The following PDE2A variants were observed in gnomAD, a reference collection of about 807,000 sequenced individuals.
PDE2A encodes the protein cGMP-dependent 3',5'-cyclic phosphodiesterase.
PDE2A carries 53 observed loss-of-function variants against 133.6 expected under a neutral mutation model. The observed-to-expected ratio is 0.40, with a 90% confidence interval of 0.32 to 0.50. The LOEUF (loss-of-function observed/expected upper bound fraction) is 0.50, where lower values mean the gene tolerates loss of function less well. Ranked by LOEUF, PDE2A falls within the 20% of genes least tolerant of loss-of-function variation. The probability of loss-of-function intolerance (pLI) is 0.73; values close to 1 mark genes in which losing one functional copy is unlikely to be tolerated. For missense variants in PDE2A, 796 were observed against 1,232.4 expected (o/e 0.65, Z 5.30); for synonymous variants, 491 against 490.2 (o/e 1.00, Z -0.02).
intron 2 of PDE2A, among the ~76,000 whole-genome samples, chr11:72,616,108 G>C (rs185771994): frequency 1.1e-3 from 164 of 152,328 alleles, no homozygotes; most frequent in Non-Finnish European, 1.7e-3. Context: ...AGCAGGAGAG[G>C]AGGAGGACGC....
intron 11 of PDE2A, among the ~76,000 whole-genome samples, chr11:72,589,441 CGAGA>C (rs371513337): frequency 3.2e-4 from 49 of 152,268 alleles, no homozygotes; most frequent in African/African-American, 1.1e-3. Flanking sequence ...TCCCTAACTA[CGAGA>C]GAGATAAGCA....
At position 72,578,276 on chromosome 11, in the gene PDE2A, G is replaced by A. The variant is rs1441369453; in HGVS notation, c.2572C>T (p.Leu858=). Reference sequence around the variant, plus strand: ...ATGTGCTCCATGAAGCTGATTTGCAGCTCAGGGATATAGGCCTTCTCCCGG... The same window carrying A: ...ATGTGCTCCATGAAGCTGATTTGCAACTCAGGGATATAGGCCTTCTCCCGG... ...MDREKAYIPE[L]QISFMEHIAM... is the part of the protein sequence containing the mutation. The change falls in exon 30 of 31, where the codon CTG becomes TTG. Residue 858 remains leucine, a synonymous_variant. Coordinates refer to ENST00000334456, the MANE Select transcript of PDE2A (RefSeq NM_002599.5). The surrounding 1 kb of genome is among the most constrained non-coding windows in gnomAD (Gnocchi z 4.2). 2 of 1,613,664 alleles carry A rather than the reference G, an allele frequency of 1.2e-6. No individual in the cohort carries two copies. Among genetic ancestry groups the A allele is most frequent in the Non-Finnish European group, 8.5e-7 (1 of 1,179,650 alleles).
intron 14 of PDE2A, 147 bp from the exon 15 acceptor site, chr11:72,585,740 C>A (rs1855940321): frequency 2.8e-6 from 2 of 707,024 alleles, no homozygotes; most frequent in Non-Finnish European, 4.9e-6. Flanking sequence ...CTAATTATAT[C>A]ATTTGGCTAC....
At chr11:72,631,188 C>A (rs1294341542) in intron 2 of PDE2A, 3 of 1,450,268 alleles carry the variant, frequency 2.1e-6, no homozygotes, top group Admixed American at 4.3e-5. Flanking sequence ...GCCTTCTCCC[C>A]TTCTCCCCAG....
chr11:72,629,431 G>A (rs201282717), intron 2 of PDE2A, among the ~76,000 whole-genome samples: 22 of 152,350 alleles, frequency 1.4e-4, no homozygotes, highest in Admixed American at 4.6e-4. Flanking sequence ...CTTTCCTGGC[G>A]GGTGGCCGAG....
In PDE2A at chr11:72,577,117, TGGTC is replaced by T; in HGVS notation, c.*263_*266del. On this transcript the variant is annotated 3_prime_UTR_variant, in exon 31 of 31. Transcript: ENST00000334456. ...GGCTTGGGAAAGACTTGCCAAGGTG[TGGTC>T]AGAGGTGCAGAGTAGGGCCCACTGC... 2 of 408,372 alleles carry T rather than the reference TGGTC, an allele frequency of 4.9e-6. No individual in the cohort carries two copies. The highest frequency in any genetic ancestry group is 8.8e-6 in the Non-Finnish European group (2 of 227,970). 25.3% of individuals were successfully genotyped at this position (408,372 alleles called of 1,614,324 possible).
At chr11:72,603,863 G>C (rs139442659) in intron 4 of PDE2A, among the ~76,000 whole-genome samples, 1 of 152,180 alleles carries the variant, frequency 6.6e-6, no homozygotes, top group Non-Finnish European at 1.5e-5. Context: ...CTCCTTCCAC[G>C]GGAAAGGGCT....
intron 2 of PDE2A, among the ~76,000 whole-genome samples, chr11:72,625,838 G>A (rs1267485399): frequency 2.0e-5 from 3 of 152,172 alleles, no homozygotes; most frequent in African/African-American, 7.2e-5. Flanking sequence ...CGGTCTGCAG[G>A]AAGGACACAC....
intron 1 of PDE2A, chr11:72,657,750 A>T (rs2135454624): frequency 2.2e-6 from 1 of 453,140 alleles, no homozygotes; most frequent in Admixed American, 2.4e-5. Flanking sequence ...AGGAGCAGGG[A>T]TTGAACTCCA....
intron 2 of PDE2A, among the ~76,000 whole-genome samples, chr11:72,620,719 T>G (rs571767214): frequency 1.3e-5 from 2 of 152,232 alleles, no homozygotes; most frequent in South Asian, 2.1e-4. Context: ...GGCTTTTTCT[T>G]GAGCAAATTG....
Position 72,597,428 on chromosome 11 carries a change from G to A in PDE2A, c.433+82C>T. ...AAGGAGACAGAGATGAAGAGGAATAGAAGACACACATGACCTGGAGTGCAG... is the reference window on the plus strand; with the variant it reads ...AAGGAGACAGAGATGAAGAGGAATAAAAGACACACATGACCTGGAGTGCAG... On this transcript the variant is annotated intron_variant, in intron 5 of 30. Transcript: ENST00000334456. The surrounding 1 kb of genome is among the most constrained non-coding windows in gnomAD (Gnocchi z 4.6). The A allele has an allele frequency of 1.3e-6, 1 of 756,920 alleles. No individual in the cohort carries two copies. The highest frequency in any genetic ancestry group is 2.5e-5 in the East Asian group (1 of 40,302). 46.9% of individuals were successfully genotyped at this position (756,920 alleles called of 1,614,324 possible). A position where few individuals can be genotyped will look rare whatever the true frequency, so the allele number is the denominator to read the frequency against.
At position 72,576,864 on chromosome 11, in the gene PDE2A, A is replaced by G. The variant is rs570309413; in HGVS notation, c.*520T>C. 2.3e-5 allele frequency: 4 copies of G among 174,554 alleles called. No homozygotes were observed. Among genetic ancestry groups the G allele is most frequent in the African/African-American group, 9.6e-5 (4 of 41,724 alleles). 10.8% of individuals were successfully genotyped at this position (174,554 alleles called of 1,614,324 possible). A position where few individuals can be genotyped will look rare whatever the true frequency, so the allele number is the denominator to read the frequency against. ...CAGGTCCCAATCCCACCATCAGTAT[A>G]GTAGTGGTCCTCAGGGGGCCTTCGC... On this transcript the variant is annotated 3_prime_UTR_variant, in exon 31 of 31. Transcript: ENST00000334456.
chr11:72,664,156 G>A (rs955903298), intron 1 of PDE2A, among the ~76,000 whole-genome samples: 5 of 152,146 alleles, frequency 3.3e-5, no homozygotes, highest in African/African-American at 1.2e-4. Context: ...CAGGGCTCTG[G>A]CTCATGGAGC....
At chr11:72,577,818 C>A (rs1425150729) in intron 30 of PDE2A, among the ~76,000 whole-genome samples, 1 of 152,110 alleles carries the variant, frequency 6.6e-6, no homozygotes, top group Non-Finnish European at 1.5e-5. Context: ...ACTAAAAATA[C>A]AAAATTAGCT....
intron 1 of PDE2A, among the ~76,000 whole-genome samples, chr11:72,662,423 G>A (rs1039814172): frequency 3.3e-5 from 5 of 152,216 alleles, no homozygotes; most frequent in African/African-American, 4.8e-5. Context: ...ACTGAGATCC[G>A]ACTCCAGGAG....
chr11:72,654,559 GCCA>G (rs764803286), intron 1 of PDE2A, among the ~76,000 whole-genome samples: 7 of 151,992 alleles, frequency 4.6e-5, no homozygotes, highest in African/African-American at 7.2e-5. Context: ...CCCTCCTCCG[GCCA>G]CCACTGCTCC....
intron 22 of PDE2A, 22 bp downstream of exon 22, chr11:72,581,855 G>A (rs769145479): frequency 6.2e-7 from 1 of 1,610,708 alleles, no homozygotes. Flanking sequence ...CGAAGACTGG[G>A]GCTGTCTGTG....
chr11:72,662,507 C>T (rs1364526217), intron 1 of PDE2A, among the ~76,000 whole-genome samples: 1 of 152,144 alleles, frequency 6.6e-6, no homozygotes, highest in African/African-American at 2.4e-5. Flanking sequence ...AGATATGCAA[C>T]GGTGACACAG....
intron 1 of PDE2A, among the ~76,000 whole-genome samples, chr11:72,652,264 C>T (rs899458470): frequency 2.6e-5 from 4 of 152,184 alleles, no homozygotes; most frequent in African/African-American, 9.7e-5. Flanking sequence ...CTCCATGGGC[C>T]CATCAGCCTG....
Sources: gnomAD v4.1 joint callset for allele counts (sites outside exome capture counted in the v4.1 genomes callset) on GRCh38, gnomAD v4.1.1 for gene constraint, Gnocchi (gnomAD v3.1) non-coding constraint, MANE v1.5 for transcripts, NCBI Gene and HGNC (gene_info 2026-07-23, HGNC 2026-07-21) for gene names.